The following SHISA9 variants were observed in gnomAD, a reference collection of about 807,000 sequenced individuals.
The protein encoded by SHISA9 is protein shisa-9.
A neutral mutation model predicts 38.0 loss-of-function variants in SHISA9; 13 were observed. The ratio of observed to expected loss-of-function variants is 0.34; its 90% CI spans 0.22 to 0.54. The LOEUF is 0.54. Ranked by LOEUF, SHISA9 falls within the 20% of genes least tolerant of loss-of-function variation. The pLI is 0.91. For synonymous variants in SHISA9, 275 were observed against 242.0 expected (o/e 1.14, Z -1.27); for missense variants, 538 against 575.8 (o/e 0.93, Z 0.67).
intron 2 of SHISA9, among the ~76,000 whole-genome samples, chr16:13,165,601 C>T (rs1165911426): frequency 1.3e-5 from 2 of 152,174 alleles, no homozygotes; most frequent in Non-Finnish European, 2.9e-5. Context: ...GAAACTGAGG[C>T]TGAGATGGAT....
At chr16:13,048,467 G>T (rs1425306840) in intron 2 of SHISA9, among the ~76,000 whole-genome samples, 1 of 152,124 alleles carries the variant, frequency 6.6e-6, no homozygotes, top group Non-Finnish European at 1.5e-5. Context: ...TGTCACCCAG[G>T]CTGGGGTGCA....
At chr16:13,367,546 G>A in the SHISA9 span, among the ~76,000 whole-genome samples, 3 of 151,048 alleles carry the variant, frequency 2.0e-5, no homozygotes, top group Non-Finnish European at 4.4e-5. Flanking sequence ...CAAGATTTTG[G>A]ACCCAAAATC....
intron 2 of SHISA9, among the ~76,000 whole-genome samples, chr16:13,145,558 T>A (rs888155375): frequency 6.6e-6 from 1 of 152,120 alleles, no homozygotes; most frequent in Non-Finnish European, 1.5e-5. Flanking sequence ...AAGGTAGTTG[T>A]GTGGCTGCGT....
At chr16:13,022,155 A>C (rs1445374822) in intron 2 of SHISA9, among the ~76,000 whole-genome samples, 1 of 151,438 alleles carries the variant, frequency 6.6e-6, no homozygotes, top group Non-Finnish European at 1.5e-5. Context: ...CCCCTGCCTT[A>C]CTTTTTATTT....
the SHISA9 span, among the ~76,000 whole-genome samples, chr16:13,355,316 G>A: frequency 1.3e-4 from 20 of 152,102 alleles, no homozygotes; most frequent in African/African-American, 3.1e-4. Context: ...GGATATTGGC[G>A]TTGAGTGGGG....
chr16:13,541,086 T>C, the SHISA9 span, among the ~76,000 whole-genome samples: 1 of 152,192 alleles, frequency 6.6e-6, no homozygotes, highest in African/African-American at 2.4e-5. Flanking sequence ...AAGCTGTGTG[T>C]TATTTTTCTG....
chr16:13,494,980 A>G, the SHISA9 span, among the ~76,000 whole-genome samples: 49 of 152,214 alleles, frequency 3.2e-4, no homozygotes, highest in Admixed American at 1.4e-3. Context: ...ATCTGACAAG[A>G]TTACATACTG....
the SHISA9 span, among the ~76,000 whole-genome samples, chr16:13,545,148 T>C: frequency 6.6e-6 from 1 of 152,204 alleles, no homozygotes; most frequent in Non-Finnish European, 1.5e-5. Context: ...AGATGACACC[T>C]ACCCAGTTTT....
At chr16:12,953,165 C>G (rs12921456) in intron 2 of SHISA9, among the ~76,000 whole-genome samples, 28,815 of 145,898 alleles carry the variant, frequency 0.2, 3,451 homozygotes, top group Middle Eastern at 0.35. Context: ...TTGAGAGGAA[C>G]CTTAAAAAAA....
intron 4 of SHISA9, among the ~76,000 whole-genome samples, chr16:13,232,078 C>A (rs970405417): frequency 5.3e-5 from 8 of 152,164 alleles, no homozygotes; most frequent in Non-Finnish European, 1.0e-4. Context: ...GAATCAGAAA[C>A]AGACATGGTT....
the SHISA9 span, among the ~76,000 whole-genome samples, chr16:13,365,854 A>G: frequency 6.6e-6 from 1 of 152,192 alleles, no homozygotes; most frequent in Non-Finnish European, 1.5e-5. Context: ...GAAACCAGAA[A>G]TGAGTCCCAG....
intron 2 of SHISA9, among the ~76,000 whole-genome samples, chr16:13,154,798 G>T (rs991870969): frequency 6.6e-5 from 10 of 152,204 alleles, no homozygotes; most frequent in Admixed American, 6.5e-4. Context: ...CAGGTTTAGG[G>T]TCTTTCCTTT....
chr16:13,215,149 G>T (rs35818065), intron 4 of SHISA9, among the ~76,000 whole-genome samples: 16,847 of 152,074 alleles, frequency 0.11, 1,015 homozygotes, highest in Middle Eastern at 0.19. Context: ...ACTGAGTGAG[G>T]AGGGGGAGGG....
At chr16:13,006,133 T>C (rs1420936396) in intron 2 of SHISA9, among the ~76,000 whole-genome samples, 1 of 152,206 alleles carries the variant, frequency 6.6e-6, no homozygotes, top group Non-Finnish European at 1.5e-5. Context: ...ACATATCATC[T>C]GTGCAAAGAA....
chr16:12,959,606 G>A (rs1460505676), intron 2 of SHISA9, among the ~76,000 whole-genome samples: 2 of 152,180 alleles, frequency 1.3e-5, no homozygotes, highest in African/African-American at 4.8e-5. Flanking sequence ...TCAAAAACCA[G>A]GGCGGAGAGA....
chr16:13,057,837 T>C (rs1468347674), intron 2 of SHISA9, among the ~76,000 whole-genome samples: 1 of 152,118 alleles, frequency 6.6e-6, no homozygotes, highest in African/African-American at 2.4e-5. Context: ...TTGTGTGATA[T>C]TCCCCTCCCT....
chr16:13,351,854 A>G, the SHISA9 span, among the ~76,000 whole-genome samples: 1 of 152,232 alleles, frequency 6.6e-6, no homozygotes, highest in Non-Finnish European at 1.5e-5. Flanking sequence ...GGCAAGAAAC[A>G]TGAGATCAAA....
At chr16:13,387,909 G>A in the SHISA9 span, among the ~76,000 whole-genome samples, 1 of 151,888 alleles carries the variant, frequency 6.6e-6, no homozygotes, top group Non-Finnish European at 1.5e-5. Flanking sequence ...AATTTTCTTG[G>A]AGGGTGAAAA....
At chr16:13,482,560 G>T in the SHISA9 span, among the ~76,000 whole-genome samples, 1 of 152,150 alleles carries the variant, frequency 6.6e-6, no homozygotes, top group South Asian at 2.1e-4. Flanking sequence ...AGCACTTTGG[G>T]AGGCTGAGGC....
Sources: gnomAD v4.1 joint callset for allele counts (sites outside exome capture counted in the v4.1 genomes callset) on GRCh38, gnomAD v4.1.1 for gene constraint, MANE v1.5 for transcripts, NCBI Gene and HGNC (gene_info 2026-07-23, HGNC 2026-07-21) for gene names.